The following L3HYPDH variants were observed in gnomAD, a reference collection of about 807,000 sequenced individuals.
The protein encoded by L3HYPDH is trans-L-3-hydroxyproline dehydratase, also known as trans-3-hydroxy-L-proline dehydratase.
A neutral mutation model predicts 26.5 loss-of-function variants in L3HYPDH; 32 were observed. That is an observed-to-expected ratio of 1.21 (90% confidence interval 0.91 to 1.62). The LOEUF (loss-of-function observed/expected upper bound fraction) is 1.62. L3HYPDH is among the 40% of genes most tolerant of loss of function. The pLI, the probability that L3HYPDH is intolerant of heterozygous loss-of-function variation, is 0.00. For synonymous variants in L3HYPDH, 215 were observed against 196.6 expected (o/e 1.09, Z -0.78); for missense variants, 554 against 476.4 (o/e 1.16, Z -1.52).
At chr14:59,496,303 C>T in the L3HYPDH span, among the ~76,000 whole-genome samples, 1 of 150,968 alleles carries the variant, frequency 6.6e-6, no homozygotes, top group Non-Finnish European at 1.5e-5. Flanking sequence ...CTGATAATGT[C>T]CTTTTTGTTG....
upstream of L3HYPDH, chr14:59,484,604 G>C (rs1355000400): frequency 3.2e-6 from 5 of 1,579,148 alleles, no homozygotes; most frequent in East Asian, 4.7e-5. Context: ...GTGAGTGGTC[G>C]CCAAGATCCC....
At chr14:59,478,709 T>C (rs1889803973) in intron 2 of L3HYPDH, 1 of 152,830 alleles carries the variant, frequency 6.5e-6, no homozygotes, top group Non-Finnish European at 1.5e-5. Flanking sequence ...TAATTTCCAT[T>C]TTGCAGACAG....
upstream of L3HYPDH, chr14:59,486,877 T>G: frequency 2.9e-6 from 3 of 1,043,944 alleles, no homozygotes; most frequent in East Asian, 2.6e-5. Flanking sequence ...ACATACAACA[T>G]TTTTTGTTAT....
At position 59,475,956 on chromosome 14, in the gene L3HYPDH, C is replaced by T. The variant is rs150191667; in HGVS notation, c.852G>A (p.Gln284=). 2 of 1,613,950 alleles carry T rather than the reference C, an allele frequency of 1.2e-6. No individual in the cohort carries two copies. The highest frequency in any genetic ancestry group is 1.1e-5 in the South Asian group (1 of 91,068). The change falls in exon 4 of 5, where the codon CAG becomes CAA. Residue 284 remains glutamine, a synonymous_variant. Coordinates refer to ENST00000247194, the MANE Select transcript of L3HYPDH (RefSeq NM_144581.2). ...TCAGTTCCAGAAGCCCTTTGTGATA[C>T]TGTAAGGCAATTCGGGCTGTCACTC... ...GSGVTARIAL[Q]YHKGLLELNQ... is the part of the protein sequence containing the mutation.
upstream of L3HYPDH, chr14:59,487,642 T>G (rs749104327): frequency 1.9e-6 from 3 of 1,547,022 alleles, no homozygotes; most frequent in Non-Finnish European, 1.8e-6. Context: ...AAATAATATC[T>G]GTACACAAAA....
intron 1 of L3HYPDH, 72 bp downstream of exon 1, chr14:59,483,737 A>G (rs1257696245): frequency 1.3e-6 from 2 of 1,541,538 alleles, no homozygotes; most frequent in East Asian, 2.4e-5. Flanking sequence ...TCCAGCCCAG[A>G]AAAACCGTTA....
At chr14:59,502,773 T>TTTTTTTTTTTTTTTTTTTTTTTTG in the L3HYPDH span, among the ~76,000 whole-genome samples, 15 of 102,826 alleles carry the variant, frequency 1.5e-4, no homozygotes, top group East Asian at 2.8e-4. Context: ...TTTTTTTTTT[T>TTTTTTTTTTTTTTTTTTTTTTTTG]CGGAGTCTCA....
chr14:59,477,381 G>C (rs1889710862), intron 2 of L3HYPDH, among the ~76,000 whole-genome samples: 1 of 152,210 alleles, frequency 6.6e-6, no homozygotes, highest in South Asian at 2.1e-4. Context: ...TCAGCAGTGT[G>C]AATAGTCAAC....
Position 59,483,861 on chromosome 14 carries a change from G to T in L3HYPDH, c.456C>A (p.Arg152=). 1 of 1,585,124 alleles carries T rather than the reference G, an allele frequency of 6.3e-7. No homozygotes were observed. The highest frequency in any genetic ancestry group is 8.5e-7 in the Non-Finnish European group (1 of 1,172,880). Residue 152 remains arginine (R), a synonymous_variant, in exon 1 of 5, where the codon CGC becomes CGA. Coordinates refer to ENST00000247194, the MANE Select transcript of L3HYPDH (RefSeq NM_144581.2). ...TGTGGAAGCGCACCGGTCCGTGGCT[G>T]CGGCCGTCCTCGCATGCCACGAAGG... ...VTAFVACEDG[R]SHGPVRFHSV... is the part of the protein sequence containing the mutation.
chr14:59,472,091 T>C (rs1159298388), downstream of L3HYPDH, among the ~76,000 whole-genome samples: 2 of 152,242 alleles, frequency 1.3e-5, no homozygotes, highest in African/African-American at 2.4e-5. Flanking sequence ...CAAAAGACTC[T>C]ACTGAATTCT....
chr14:59,470,298 G>A (rs1889279287), downstream of L3HYPDH, among the ~76,000 whole-genome samples: 1 of 152,204 alleles, frequency 6.6e-6, no homozygotes, highest in Admixed American at 6.5e-5. Context: ...GAGCTTGTTA[G>A]AAATGCCCCA....
chr14:59,470,549 G>A (rs1440649036), downstream of L3HYPDH, among the ~76,000 whole-genome samples: 1 of 152,218 alleles, frequency 6.6e-6, no homozygotes, highest in East Asian at 1.9e-4. Flanking sequence ...CACTAATGGG[G>A]ACTGGGTACT....
the L3HYPDH span, among the ~76,000 whole-genome samples, chr14:59,502,762 T>TG: frequency 2.2e-4 from 30 of 133,582 alleles, no homozygotes; most frequent in Middle Eastern, 3.7e-3. Flanking sequence ...TTTTTTTTTT[T>TG]TTTTTTTTTT....
chr14:59,492,175 A>G, the L3HYPDH span, among the ~76,000 whole-genome samples: 1 of 152,236 alleles, frequency 6.6e-6, no homozygotes, highest in Non-Finnish European at 1.5e-5. Context: ...GTCCATAACA[A>G]TAAGATTATT....
the L3HYPDH span, chr14:59,498,931 A>G: frequency 3.3e-5 from 47 of 1,417,018 alleles, 1 homozygote; most frequent in Admixed American, 8.9e-4. Flanking sequence ...GGTAAAGTCA[A>G]TGAAATATAT....
intron 1 of L3HYPDH, among the ~76,000 whole-genome samples, chr14:59,481,783 G>A (rs1361291690): frequency 3.9e-5 from 6 of 152,196 alleles, no homozygotes; most frequent in Non-Finnish European, 8.8e-5. Context: ...TTAAGGATGA[G>A]AGGGAAGCAA....
At chr14:59,494,936 A>T in the L3HYPDH span, 1 of 959,942 alleles carries the variant, frequency 1.0e-6, no homozygotes, top group East Asian at 2.5e-5. Context: ...AGAAATCTGT[A>T]TCTTGACACA....
the L3HYPDH span, among the ~76,000 whole-genome samples, chr14:59,502,705 T>G: frequency 6.6e-6 from 1 of 151,722 alleles, no homozygotes; most frequent in African/African-American, 2.4e-5. Flanking sequence ...GGGAAAGATT[T>G]GAGGGAGAAA....
At chr14:59,480,903 G>A (rs1224869469) in intron 1 of L3HYPDH, among the ~76,000 whole-genome samples, 1 of 152,206 alleles carries the variant, frequency 6.6e-6, no homozygotes, top group East Asian at 1.9e-4. Context: ...CTAAAGTGAG[G>A]GTGAAGATCA....
Sources: gnomAD v4.1 joint callset for allele counts (sites outside exome capture counted in the v4.1 genomes callset) on GRCh38, gnomAD v4.1.1 for gene constraint, MANE v1.5 for transcripts, NCBI Gene and HGNC (gene_info 2026-07-23, HGNC 2026-07-21) for gene names.